MYRF: variants seen among roughly 807,000 people sequenced by gnomAD.
The protein encoded by MYRF is myelin regulatory factor, also known as myelin gene regulatory factor.
In MYRF, 16 loss-of-function variants were observed where a neutral mutation model predicts 126.3. That is an observed-to-expected ratio of 0.13 (90% CI 0.09 to 0.19). The LOEUF (loss-of-function observed/expected upper bound fraction) is 0.19, where lower values mean the gene tolerates loss of function less well. Ranked by LOEUF, MYRF falls within the 10% of genes least tolerant of loss-of-function variation. MYRF has a pLI of 1.00. For missense variants in MYRF, 1,104 were observed against 1,547.0 expected (o/e 0.71, Z 4.80); for synonymous variants, 608 against 635.3 (o/e 0.96, Z 0.65).
At chr11:61,759,984 T>G (rs1203881261) in intron 1 of MYRF, among the ~76,000 whole-genome samples, 1 of 151,968 alleles carries the variant, frequency 6.6e-6, no homozygotes, top group Non-Finnish European at 1.5e-5. Flanking sequence ...ATTTTTTTTT[T>G]TTGAGACAGA....
chr11:61,781,781 C>T lies in MYRF; in HGVS notation c.2973C>T (p.Ser991=), dbSNP rs1016810996. The part of the protein sequence containing the change: ...HGRARRGALQ[S]SVGPAEPTWA... Reference sequence around the variant, plus strand: ...GGGCCCGCCGAGGGGCCCTCCAGTCCAGCGTGGGCCCTGCTGAGCCCACCT... The same window carrying T: ...GGGCCCGCCGAGGGGCCCTCCAGTCTAGCGTGGGCCCTGCTGAGCCCACCT... Residue 991 remains serine (S), a synonymous_variant, in exon 22 of 27, where the codon TCC becomes TCT. Coordinates refer to ENST00000278836, the MANE Select transcript of MYRF (RefSeq NM_001127392.3). The T allele has an allele frequency of 8.1e-6, 13 of 1,604,102 alleles. No individual in the cohort carries two copies. The highest frequency in any genetic ancestry group is 1.1e-5 in the South Asian group (1 of 90,056).
chr11:61,784,301 G>A lies in MYRF; in HGVS notation c.3216G>A (p.Val1072=). Residue 1072 remains valine (V), a synonymous_variant, in exon 25 of 27, where the codon GTG becomes GTA. Coordinates refer to ENST00000278836, the MANE Select transcript of MYRF (RefSeq NM_001127392.3). ...ACAGCTCCTCCTCCCCCGTGTCTGT[G>A]GTGCTGTGCAGCCTGAGGTCAAAGG... is the stretch of plus-strand genomic sequence containing the variant. ...LQMNSSSPVS[V]VLCSLRSKEE... 6.2e-7 allele frequency: 1 copy of A among 1,614,000 alleles called. No individual in the cohort carries two copies. The highest frequency in any genetic ancestry group is 8.5e-7 in the Non-Finnish European group (1 of 1,179,994).
chr11:61,755,653 T>C (rs2065730489), intron 1 of MYRF: 2 of 721,422 alleles, frequency 2.8e-6, no homozygotes, highest in South Asian at 3.0e-5. Context: ...CAGGAGGGGG[T>C]GGCAGAGAAG....
rs535245647 is a variant in MYRF, at chr11:61,756,145, A to G, written c.46+3355A>G. 3.3e-5 allele frequency among the ~76,000 whole-genome samples: 5 copies of G among 152,282 alleles called. No homozygotes were observed. In the East Asian group the frequency reaches 7.7e-4, roughly 24 times the overall value. On this transcript the variant is annotated intron_variant, in intron 1 of 26. Coordinates refer to ENST00000278836, the MANE Select transcript of MYRF (RefSeq NM_001127392.3). Reference sequence around the variant, plus strand: ...GGGCTGGGCTCCTCACAGCCCCTGAAGCACCAGGATACTGGTTTGAAAGCC... The same window carrying G: ...GGGCTGGGCTCCTCACAGCCCCTGAGGCACCAGGATACTGGTTTGAAAGCC...
At chr11:61,775,671 G>A (rs2066358376) in intron 8 of MYRF, among the ~76,000 whole-genome samples, 1 of 152,016 alleles carries the variant, frequency 6.6e-6, no homozygotes, top group African/African-American at 2.4e-5. Flanking sequence ...GCTGCTGTGA[G>A]GTGTGTGGGT....
At chr11:61,762,624 G>A (rs967724388) in intron 1 of MYRF, among the ~76,000 whole-genome samples, 2 of 152,130 alleles carry the variant, frequency 1.3e-5, no homozygotes, top group African/African-American at 2.4e-5. Context: ...TCCCAGCTTC[G>A]GCAAGCCCCC....
intron 7 of MYRF, among the ~76,000 whole-genome samples, chr11:61,772,473 GT>G (rs1282170691): frequency 6.6e-6 from 1 of 152,268 alleles, no homozygotes; most frequent in African/African-American, 2.4e-5. Context: ...AGGTGACAGG[GT>G]AACTGTGGAT....
At position 61,777,922 on chromosome 11, in the gene MYRF, C is replaced by A; in HGVS notation, c.1903+77C>A. 8.7e-7 allele frequency: 1 copy of A among 1,149,760 alleles called. No individual in the cohort carries two copies. Among genetic ancestry groups the A allele is most frequent in the Non-Finnish European group, 1.3e-6 (1 of 792,002 alleles). 71.2% of individuals were successfully genotyped at this position (1,149,760 alleles called of 1,614,324 possible). A position where few individuals can be genotyped will look rare whatever the true frequency, so the allele number is the denominator to read the frequency against. The stretch of plus-strand genomic sequence containing the variant: ...CCTCAGTGACCTTGCCCCCTGTCAC[C>A]TGGAAATCCTACTCCTCTTGACTCC... On this transcript the variant is annotated intron_variant, in intron 13 of 26. Coordinates refer to ENST00000278836, the MANE Select transcript of MYRF (RefSeq NM_001127392.3). This position sits in a 1 kb window ranked among gnomAD's most constrained non-coding sequence, Gnocchi z 8.8.
chr11:61,783,947 T>C lies in MYRF; in HGVS notation c.3194+22T>C. 4 of 1,587,400 alleles carry C rather than the reference T, an allele frequency of 2.5e-6. No individual in the cohort carries two copies. The highest frequency in any genetic ancestry group is 3.4e-6 in the Non-Finnish European group (4 of 1,165,278). On this transcript the variant is annotated intron_variant, in intron 24 of 26. Transcript: ENST00000278836. The surrounding 1 kb of genome is among the most constrained non-coding windows in gnomAD (Gnocchi z 4.6). ...TGAAGTGAGTGCCGGTGTGGGGAAGTGGGAGGCAGGAGGGGAGCCAGGGAG... is the reference window on the plus strand; with the variant it reads ...TGAAGTGAGTGCCGGTGTGGGGAAGCGGGAGGCAGGAGGGGAGCCAGGGAG...
chr11:61,781,375 TAGAG>T (rs758957316), intron 21 of MYRF, 46 bp downstream of exon 21: 1 of 1,602,954 alleles, frequency 6.2e-7, no homozygotes, highest in Non-Finnish European at 8.5e-7. Flanking sequence ...GCTACCTGCG[TAGAG>T]AGAAAGGCCC....
At chr11:61,767,922 G>A (rs1376380415) in intron 3 of MYRF, among the ~76,000 whole-genome samples, 3 of 150,750 alleles carry the variant, frequency 2.0e-5, no homozygotes, top group South Asian at 2.1e-4. Context: ...GTTTGAGACC[G>A]GCCTGGGCAA....
At chr11:61,756,136 A>G (rs919704689) in intron 1 of MYRF, among the ~76,000 whole-genome samples, 2 of 152,166 alleles carry the variant, frequency 1.3e-5, no homozygotes, top group African/African-American at 4.8e-5. Context: ...GGCTCCTCAC[A>G]GCCCCTGAAG....
Position 61,783,918 on chromosome 11 carries a change from C to T in MYRF, c.3187C>T (p.Gln1063Ter). 6.2e-7 allele frequency: 1 copy of T among 1,603,744 alleles called. No homozygotes were observed. Among genetic ancestry groups the T allele is most frequent in the Admixed American group, 1.7e-5 (1 of 58,898 alleles). The part of the protein sequence containing the change: ...GTPLHLSLTL[Q>*]MNSSSPVSVV... Reference sequence around the variant, plus strand: ...CCCACTGCACCTCAGCCTGACTCTGCAGATGAAGTGAGTGCCGGTGTGGGG... The same window carrying T: ...CCCACTGCACCTCAGCCTGACTCTGTAGATGAAGTGAGTGCCGGTGTGGGG... Residue 1063 changes from glutamine (Q) to a stop codon, truncating the protein, a stop_gained, in exon 24 of 27, where the codon CAG becomes TAG. Transcript: ENST00000278836. LOFTEE classifies it high-confidence loss of function. This position sits in a 1 kb window ranked among gnomAD's most constrained non-coding sequence, Gnocchi z 4.6.
chr11:61,784,392 G>A lies in MYRF; in HGVS notation c.3300+7G>A, dbSNP rs189670069. ...CACCCACCAGGACACCCAGGTAGGT[G>A]GGACTGGGAAGCTGCGGGCCGGCCA... On this transcript the variant is annotated splice_region_variant and intron_variant, in intron 25 of 26. Coordinates refer to ENST00000278836, the MANE Select transcript of MYRF (RefSeq NM_001127392.3). 105 of 1,611,894 alleles carry A rather than the reference G, an allele frequency of 6.5e-5. No homozygotes were observed. In the Admixed American group the frequency reaches 1.3e-3, roughly 19 times the overall value.
In MYRF at chr11:61,776,464, C is replaced by A; in HGVS notation, c.1499+32C>A. On this transcript the variant is annotated intron_variant, in intron 10 of 26. Coordinates refer to ENST00000278836, the MANE Select transcript of MYRF (RefSeq NM_001127392.3). This position sits in a 1 kb window ranked among gnomAD's most constrained non-coding sequence, Gnocchi z 4.3. The stretch of plus-strand genomic sequence containing the variant: ...AGGTGGGGGCCCTGCCCCGGAGCCC[C>A]TCCATTTCTGAGGCAGGAAGACACT... The A allele has an allele frequency of 6.3e-7, 1 of 1,581,718 alleles. No homozygotes were observed.
In MYRF at chr11:61,765,945, C is replaced by G; in HGVS notation, c.135-13C>G. 6.7e-7 allele frequency: 1 copy of G among 1,489,450 alleles called. No individual in the cohort carries two copies. The highest frequency in any genetic ancestry group is 8.9e-7 in the Non-Finnish European group (1 of 1,121,842). 92.3% of individuals were successfully genotyped at this position (1,489,450 alleles called of 1,614,324 possible). A position where few individuals can be genotyped will look rare whatever the true frequency, so the allele number is the denominator to read the frequency against. On this transcript the variant is annotated splice_polypyrimidine_tract_variant and intron_variant, in intron 2 of 26. Transcript: ENST00000278836. ...GGTCCTGGCTGGAGCTGAGCCGCCC[C>G]CCTTCCCCGCAGCTGCTTCCCTGAC...
chr11:61,752,875 T>C, intron 1 of MYRF, 85 bp downstream of exon 1: 1 of 1,293,864 alleles, frequency 7.7e-7, no homozygotes, highest in East Asian at 3.1e-5. Flanking sequence ...CTCCTCGCTG[T>C]GTTTCCGCCT....
At chr11:61,775,069 A>T (rs1301018649) in intron 8 of MYRF, among the ~76,000 whole-genome samples, 1 of 152,008 alleles carries the variant, frequency 6.6e-6, no homozygotes, top group African/African-American at 2.4e-5. Context: ...GCCCTGGAAG[A>T]TCCCTCTACC....
rs747414524 is a variant in MYRF at position 61,776,481 on chromosome 11, G to T, written c.1499+49G>T. On this transcript the variant is annotated intron_variant, in intron 10 of 26. Coordinates refer to ENST00000278836, the MANE Select transcript of MYRF (RefSeq NM_001127392.3). The surrounding 1 kb of genome is among the most constrained non-coding windows in gnomAD (Gnocchi z 4.3). ...CGGAGCCCCTCCATTTCTGAGGCAG[G>T]AAGACACTGCCCTGGGTGGCACACC... 4.6e-6 allele frequency: 7 copies of T among 1,513,308 alleles called. No individual in the cohort carries two copies. Among genetic ancestry groups the T allele is most frequent in the Non-Finnish European group, 6.4e-6 (7 of 1,102,136 alleles). The allele number at this position is 1,513,308 out of a possible 1,614,324, so 93.7% of individuals were successfully genotyped here.
Sources: allele counts gnomAD v4.1 joint callset (sites outside exome capture counted in the v4.1 genomes callset), GRCh38; gene constraint gnomAD v4.1.1; non-coding constraint Gnocchi (gnomAD v3.1); transcripts MANE v1.5; gene names NCBI Gene and HGNC (gene_info 2026-07-23, HGNC 2026-07-21).